Variants in PURG observed in about 807,000 individuals in gnomAD.
PURG encodes the protein purine-rich element-binding protein gamma.
PURG carries 3 observed loss-of-function variants against 24.3 expected under a neutral mutation model. The observed-to-expected ratio is 0.12, with a 90% CI of 0.06 to 0.32. PURG has a LOEUF of 0.32. Ranked by LOEUF, PURG falls within the 10% of genes least tolerant of loss-of-function variation. The pLI, the probability that PURG is intolerant of heterozygous loss-of-function variation, is 1.00. For missense variants in PURG, 371 were observed against 439.1 expected (o/e 0.84, Z 1.39); for synonymous variants, 180 against 173.1 (o/e 1.04, Z -0.31).
chr8:31,024,848 A>C (rs1811061823), intron 1 of PURG, among the ~76,000 whole-genome samples: 1 of 151,970 alleles, frequency 6.6e-6, no homozygotes, highest in Non-Finnish European at 1.5e-5. Flanking sequence ...ACTTTGAGCA[A>C]CTCTTTTAAA....
chr8:31,009,981 C>A (rs995189030), intron 1 of PURG, among the ~76,000 whole-genome samples: 1 of 152,084 alleles, frequency 6.6e-6, no homozygotes, highest in Admixed American at 6.6e-5. Flanking sequence ...CCTGTAGTAC[C>A]AGCTACTCAG....
At chr8:31,013,076 A>G (rs1810794126) in intron 1 of PURG, among the ~76,000 whole-genome samples, 2 of 152,356 alleles carry the variant, frequency 1.3e-5, no homozygotes, top group African/African-American at 4.8e-5. Context: ...TTTGCATCAA[A>G]TAAAATGTAG....
rs11574152 is a variant in PURG, at chr8:31,032,255, G to A, written c.528C>T (p.Ile176=). ...GGTAATATTTCCTATTGTCCCTCTC[G>A]ATATAGTCTGTTTTCAGGACACTGT... ...HPHSVLKTDY[I]ERDNRKYYLD... The change falls in exon 2 of 2, where the codon ATC becomes ATT. Residue 176 remains isoleucine, a synonymous_variant. Coordinates refer to ENST00000523392, the MANE Select transcript of PURG (RefSeq NM_001323311.2). The surrounding 1 kb of genome is among the most constrained non-coding windows in gnomAD (Gnocchi z 5.9). 6.2e-7 allele frequency: 1 copy of A among 1,613,838 alleles called. No homozygotes were observed. Among genetic ancestry groups the A allele is most frequent in the Admixed American group, 1.7e-5 (1 of 59,996 alleles).
intron 1 of PURG, among the ~76,000 whole-genome samples, chr8:31,023,753 T>C (rs921760385): frequency 1.3e-5 from 2 of 152,180 alleles, no homozygotes; most frequent in African/African-American, 4.8e-5. Flanking sequence ...CACAGGTCAG[T>C]ATCCTTTCTG....
downstream of PURG, among the ~76,000 whole-genome samples, chr8:31,029,174 G>C (rs952315432): frequency 6.6e-6 from 1 of 151,706 alleles, no homozygotes; most frequent in Non-Finnish European, 1.5e-5. Flanking sequence ...GGAATTTTAA[G>C]TATCAAAAAG....
intron 1 of PURG, among the ~76,000 whole-genome samples, chr8:31,024,039 AT>A (rs1811048005): frequency 1.3e-5 from 2 of 152,252 alleles, no homozygotes; most frequent in South Asian, 2.1e-4. Flanking sequence ...GAGATGGGAA[AT>A]AATCAATATT....
chr8:31,031,588 T>G lies in PURG; in HGVS notation c.*151A>C. The G allele has an allele frequency of 1.3e-5, 9 of 692,616 alleles. No individual in the cohort carries two copies. Among genetic ancestry groups the G allele is most frequent in the Non-Finnish European group, 1.2e-5 (5 of 420,918 alleles). The allele number at this position is 692,616 out of a possible 1,614,324, so 42.9% of individuals were successfully genotyped here. A position where few individuals can be genotyped will look rare whatever the true frequency, so the allele number is the denominator to read the frequency against. ...ATAGTGATCTATGTGTAACATAACA[T>G]GAGAATCAGACTTCCTGAAGTATCA... On this transcript the variant is annotated 3_prime_UTR_variant, in exon 2 of 2. Transcript: ENST00000523392.
chr8:31,030,463 G>A (rs1388316306), downstream of PURG, among the ~76,000 whole-genome samples: 4 of 151,940 alleles, frequency 2.6e-5, no homozygotes, highest in African/African-American at 9.7e-5. Flanking sequence ...AAATTGCTTA[G>A]GTGTTGAAAA....
intron 1 of PURG, among the ~76,000 whole-genome samples, chr8:31,007,390 A>C (rs902276961): frequency 2.6e-5 from 4 of 152,224 alleles, no homozygotes; most frequent in African/African-American, 9.6e-5. Flanking sequence ...AACCTTTAAA[A>C]AGCTATTTTT....
chr8:31,021,101 G>T (rs1312210539), intron 1 of PURG, among the ~76,000 whole-genome samples: 1 of 152,094 alleles, frequency 6.6e-6, no homozygotes, highest in African/African-American at 2.4e-5. Flanking sequence ...GAGGAAATTT[G>T]GTAATTAAAT....
intron 1 of PURG, among the ~76,000 whole-genome samples, chr8:31,016,044 C>A (rs1005924467): frequency 6.6e-6 from 1 of 151,896 alleles, no homozygotes; most frequent in Non-Finnish European, 1.5e-5. Context: ...CAGAACAAGA[C>A]CCTGTCTCAA....
downstream of PURG, among the ~76,000 whole-genome samples, chr8:31,029,178 C>CA (rs1811143354): frequency 6.6e-6 from 1 of 151,546 alleles, no homozygotes; most frequent in Non-Finnish European, 1.5e-5. Flanking sequence ...TTTTAAGTAT[C>CA]AAAAAGTCAT....
Position 31,032,736 on chromosome 8 carries a change from C to G in PURG, c.47G>C (p.Gly16Ala). The G allele has an allele frequency of 6.9e-7, 1 of 1,440,968 alleles. No homozygotes were observed. Among genetic ancestry groups the G allele is most frequent in the Non-Finnish European group, 9.1e-7 (1 of 1,094,114 alleles). The allele number at this position is 1,440,968 out of a possible 1,614,324, so 89.3% of individuals were successfully genotyped here. ...RRGGGGGRGR[G>A]GKNVGGSGLS... ...GCCAGAGCCCCCTACATTCTTGCCT[C>G]CGCGGCCGCGGCCGCCGCCGCCTCC... The change falls in exon 2 of 2, where the codon GGA becomes GCA. Residue 16 changes from glycine (G) to alanine (A), a missense_variant. This residue lies in a region of PURG where 213 missense variants were observed against 230.6 expected (regional missense o/e 0.92). Coordinates refer to ENST00000523392, the MANE Select transcript of PURG (RefSeq NM_001323311.2). The surrounding 1 kb of genome is among the most constrained non-coding windows in gnomAD (Gnocchi z 5.9).
intron 1 of PURG, among the ~76,000 whole-genome samples, chr8:31,007,095 C>T (rs1810667945): frequency 6.6e-6 from 1 of 152,148 alleles, no homozygotes; most frequent in Non-Finnish European, 1.5e-5. Flanking sequence ...CACTGAAGGA[C>T]ATTATTTGCC....
At chr8:30,997,086 G>T (rs563444149) in intron 1 of PURG, among the ~76,000 whole-genome samples, 1 of 151,764 alleles carries the variant, frequency 6.6e-6, no homozygotes. Context: ...TTACAGTACG[G>T]CAGCAATTTT....
intron 1 of PURG, among the ~76,000 whole-genome samples, chr8:31,004,075 G>T (rs1273608154): frequency 6.6e-6 from 1 of 152,176 alleles, no homozygotes; most frequent in Non-Finnish European, 1.5e-5. Context: ...TGGCTCCCCA[G>T]AATCACAGTA....
chr8:31,004,494 G>A (rs1219800941), intron 1 of PURG, among the ~76,000 whole-genome samples: 1 of 152,134 alleles, frequency 6.6e-6, no homozygotes, highest in Non-Finnish European at 1.5e-5. Context: ...TCAGGAGTTC[G>A]AGACCAGCCT....
chr8:31,022,823 G>A (rs976019562), intron 1 of PURG, among the ~76,000 whole-genome samples: 4 of 152,166 alleles, frequency 2.6e-5, no homozygotes, highest in Non-Finnish European at 5.9e-5. Flanking sequence ...GAAGAACCAA[G>A]AAATAAAATA....
Position 30,996,931 on chromosome 8 carries a change from T to C in PURG, c.865-234A>G, listed in dbSNP as rs193231928. ...ACAGGTATATTCAGATCTCAATGCA[T>C]TGATGCCAAGGAAAATATAATTTTA... On this transcript the variant is annotated intron_variant, in intron 1 of 1. Coordinates refer to the PURG transcript ENST00000339382. 1.1e-4 allele frequency among the ~76,000 whole-genome samples: 17 copies of C among 151,902 alleles called. No homozygotes were observed. In the East Asian group the frequency reaches 1.2e-3, roughly 10 times the overall value.
Sources: allele counts gnomAD v4.1 joint callset (sites outside exome capture counted in the v4.1 genomes callset), GRCh38; gene constraint gnomAD v4.1.1; regional missense constraint gnomAD v4.1.1; non-coding constraint Gnocchi (gnomAD v3.1); transcripts MANE v1.5; gene names NCBI Gene and HGNC (gene_info 2026-07-23, HGNC 2026-07-21).